The following CACNA1S variants were observed in gnomAD, a reference collection of about 807,000 sequenced individuals.
The protein encoded by CACNA1S is calcium voltage-gated channel subunit alpha1 S.
In CACNA1S, 126 loss-of-function variants were observed where a neutral mutation model predicts 207.4. That is an observed-to-expected ratio of 0.61 (90% confidence interval 0.53 to 0.70). The LOEUF (loss-of-function observed/expected upper bound fraction) is 0.70. CACNA1S is among the 30% of genes least tolerant of loss of function. CACNA1S has a pLI of 0.00. For missense variants in CACNA1S, 2,349 were observed against 2,422.8 expected (o/e 0.97, Z 0.64); for synonymous variants, 960 against 932.7 (o/e 1.03, Z -0.53).
intron 28 of CACNA1S, among the ~76,000 whole-genome samples, chr1:201,056,957 C>T (rs991812963): frequency 1.3e-5 from 2 of 152,190 alleles, no homozygotes; most frequent in African/African-American, 2.4e-5. Context: ...CAGCCAGCCC[C>T]GGCCCCCATC....
Position 201,040,260 on chromosome 1 carries a change from C to G in CACNA1S, c.5341G>C (p.Ala1781Pro). 5 of 1,613,754 alleles carry G rather than the reference C, an allele frequency of 3.1e-6. No individual in the cohort carries two copies. Among genetic ancestry groups the G allele is most frequent in the Non-Finnish European group, 4.2e-6 (5 of 1,179,990 alleles). Reference sequence around the variant, plus strand: ...TGGATCAGCAGGGCTGTAGCTGGTGCTGAGCACCTGGAAGTATTCTCCCTG... The same window carrying G: ...TGGATCAGCAGGGCTGTAGCTGGTGGTGAGCACCTGGAAGTATTCTCCCTG... ...STRENTSRCS[A>P]PATALLIQKA... Residue 1781 changes from alanine (A) to proline (P), a missense_variant, in exon 43 of 44, where the codon GCA (alanine) becomes CCA (proline). Transcript: ENST00000362061.
At chr1:201,089,117 C>T (rs1011824350) in intron 6 of CACNA1S, 141 bp downstream of exon 6, 6 of 773,966 alleles carry the variant, frequency 7.8e-6, no homozygotes, top group African/African-American at 1.7e-5. Context: ...GTATAGATTC[C>T]CCAGGGAGGA....
chr1:201,051,476 G>A (rs1190184097), intron 32 of CACNA1S, among the ~76,000 whole-genome samples: 1 of 152,176 alleles, frequency 6.6e-6, no homozygotes, highest in Non-Finnish European at 1.5e-5. Context: ...GAGATTAACT[G>A]ACTCCACTCT....
At position 201,075,583 on chromosome 1, in the gene CACNA1S, C is replaced by A. The variant is rs2102140249; in HGVS notation, c.1860G>T (p.Met620Ile). The change falls in exon 13 of 44, where the codon ATG becomes ATT. Residue 620 changes from methionine (M) to isoleucine (I), a missense_variant. Physicochemically the swap from Met to Ile is conservative, Grantham distance 10 (BLOSUM62 1). Coordinates refer to ENST00000362061, the MANE Select transcript of CACNA1S (RefSeq NM_000069.3). ...CGCCGTAGGCCATGATCCCATTGTA[C>A]ATCATTGAGGTCCAGTCTTCCCCTG... The part of the protein sequence containing the change: ...VLTGEDWTSM[M>I]YNGIMAYGGP... The A allele has an allele frequency of 6.2e-7, 1 of 1,614,112 alleles. No homozygotes were observed. The highest frequency in any genetic ancestry group is 8.5e-7 in the Non-Finnish European group (1 of 1,179,984).
At chr1:201,043,594 C>T in intron 39 of CACNA1S, 63 bp from the exon 40 acceptor site, 1 of 1,459,668 alleles carries the variant, frequency 6.9e-7, no homozygotes, top group Non-Finnish European at 9.6e-7. Context: ...GGGGCTGTCA[C>T]TCTGGGACAG....
chr1:201,046,617 A>G (rs1660480412), intron 38 of CACNA1S, among the ~76,000 whole-genome samples: 1 of 151,274 alleles, frequency 6.6e-6, no homozygotes, highest in Non-Finnish European at 1.5e-5. Flanking sequence ...ATCTCGGTTC[A>G]CTGCAACCTC....
At position 201,077,972 on chromosome 1, in the gene CACNA1S, A is replaced by G. The variant is rs369852385; in HGVS notation, c.1526T>C (p.Leu509Pro). 7.4e-6 allele frequency: 12 copies of G among 1,614,060 alleles called. No homozygotes were observed. Among genetic ancestry groups the G allele is most frequent in the Non-Finnish European group, 1.0e-5 (12 of 1,179,990 alleles). Residue 509 changes from leucine to proline, a missense_variant, in exon 11 of 44, where the codon CTG (leucine) becomes CCG (proline). Leu to Pro is a moderately conservative substitution (Grantham distance 98). Transcript: ENST00000362061. The part of the protein sequence containing the change: ...FDCFVVCSGI[L>P]EILLVESGAM... ...ACCCGACTCCACCAGCAGGATCTCC[A>G]GGATACCGCTACACACCACGAAGCA...
At chr1:201,076,308 G>A (rs1424311831) in intron 12 of CACNA1S, among the ~76,000 whole-genome samples, 2 of 152,232 alleles carry the variant, frequency 1.3e-5, no homozygotes, top group Non-Finnish European at 2.9e-5. Context: ...AGAGAGGATC[G>A]ACGGACGATC....
rs752178238 is a variant in CACNA1S, at chr1:201,069,184, A to C, written c.2503T>G (p.Phe835Val). 10 of 1,614,020 alleles carry C rather than the reference A, an allele frequency of 6.2e-6. No individual in the cohort carries two copies. Among genetic ancestry groups the C allele is most frequent in the Non-Finnish European group, 7.6e-6 (9 of 1,179,982 alleles). ...AAGACAGAGGTGAACCCGATGTCAA[A>C]GTGTTTAAGGATCTGGGGACAGGGC... ...DSMRNQILKH[F>V]DIGFTSVFTV... The change falls in exon 19 of 44, where the codon TTT becomes GTT. Residue 835 changes from phenylalanine (F) to valine (V), a missense_variant. Coordinates refer to ENST00000362061, the MANE Select transcript of CACNA1S (RefSeq NM_000069.3).
intron 2 of CACNA1S, among the ~76,000 whole-genome samples, chr1:201,094,459 T>C (rs1662347176): frequency 1.3e-5 from 2 of 152,100 alleles, no homozygotes; most frequent in African/African-American, 2.4e-5. Context: ...TTTTCATTAC[T>C]CGACTTCCAG....
intron 2 of CACNA1S, among the ~76,000 whole-genome samples, chr1:201,098,228 C>G (rs1196233498): frequency 6.6e-6 from 1 of 152,216 alleles, no homozygotes; most frequent in African/African-American, 2.4e-5. Context: ...GAACCAGTGT[C>G]CCGGGGCACT....
rs879667613 is a variant in CACNA1S, at chr1:201,063,300, CT to C, written c.2854-787del. Among the ~76,000 whole-genome samples the C allele has an allele frequency of 5.5e-3, 784 of 141,962 alleles. 1 individual carries two copies. The highest frequency in any genetic ancestry group is 0.011 in the African/African-American group (424 of 38,810). The allele number at this position is 141,962 out of a possible 152,430, so 93.1% of individuals were successfully genotyped here. A position where few individuals can be genotyped will look rare whatever the true frequency, so the allele number is the denominator to read the frequency against. On this transcript the variant is annotated intron_variant, in intron 22 of 43. Transcript: ENST00000362061. ...GAAGGAAAGTAGTGGATGGCTAGGT[CT>C]TTTTTTTTTTTGTTTGCTCACTCTG...
intron 7 of CACNA1S, among the ~76,000 whole-genome samples, chr1:201,087,295 G>T (rs1278416201): frequency 1.3e-5 from 2 of 152,226 alleles, no homozygotes; most frequent in Non-Finnish European, 2.9e-5. Context: ...AAGGCACAGA[G>T]AAGTTAGGTA....
At chr1:201,049,774 A>C (rs536466514) in intron 34 of CACNA1S, among the ~76,000 whole-genome samples, 4 of 152,268 alleles carry the variant, frequency 2.6e-5, no homozygotes, top group Non-Finnish European at 4.4e-5. Context: ...TGATGGAGGC[A>C]CTTTAAAGCA....
At chr1:201,101,968 C>T (rs905207070) in intron 2 of CACNA1S, among the ~76,000 whole-genome samples, 2 of 152,190 alleles carry the variant, frequency 1.3e-5, no homozygotes. Context: ...GCCCTCACCT[C>T]TCTGCCCCAA....
chr1:201,112,311 C>T lies in CACNA1S; in HGVS notation c.29G>A (p.Gly10Asp), dbSNP rs1663157502. 1.9e-6 allele frequency: 3 copies of T among 1,613,990 alleles called. No homozygotes were observed. The highest frequency in any genetic ancestry group is 1.7e-6 in the Non-Finnish European group (2 of 1,179,968). The change falls in exon 1 of 44, where the codon GGC (glycine) becomes GAC (aspartate). Residue 10 changes from glycine (G) to aspartate (D), a missense_variant. Gly to Asp is a moderately conservative substitution (Grantham distance 94). Coordinates refer to ENST00000362061, the MANE Select transcript of CACNA1S (RefSeq NM_000069.3). ...CTTCTTGGGCTGTTTCTTCCTCAGGCCTTCATCCTGGGGTGAGGATGGCTC... is the reference window on the plus strand; with the variant it reads ...CTTCTTGGGCTGTTTCTTCCTCAGGTCTTCATCCTGGGGTGAGGATGGCTC... Reference protein sequence around the residue: MEPSSPQDEGLRKKQPKKPV... With the variant: MEPSSPQDEDLRKKQPKKPV...
Position 201,112,266 on chromosome 1 carries a change from G to A in CACNA1S, c.74C>T (p.Pro25Leu). 1 of 1,614,022 alleles carries A rather than the reference G, an allele frequency of 6.2e-7. No individual in the cohort carries two copies. Among genetic ancestry groups the A allele is most frequent in the Non-Finnish European group, 8.5e-7 (1 of 1,180,002 alleles). ...QPKKPVPEILPRPPRALFCLT... is the reference protein window; with the variant it reads ...QPKKPVPEILLRPPRALFCLT... ...GCAGAACAAGGCCCGGGGTGGCCTT[G>A]GCAGAATCTCAGGAACTGGCTTCTT... The change falls in exon 1 of 44, where the codon CCA (proline) becomes CTA (leucine). Residue 25 changes from proline to leucine, a missense_variant. By Grantham distance (98) the Pro-to-Leu change is moderately conservative (BLOSUM62 -3). Transcript: ENST00000362061.
At chr1:201,089,121 G>T in intron 6 of CACNA1S, 137 bp downstream of exon 6, 1 of 789,396 alleles carries the variant, frequency 1.3e-6, no homozygotes, top group Non-Finnish European at 2.2e-6. Context: ...AGATTCCCCA[G>T]GGAGGAGCAA....
chr1:201,112,142 C>G, intron 1 of CACNA1S, 46 bp downstream of exon 1: 1 of 1,579,648 alleles, frequency 6.3e-7, no homozygotes, highest in South Asian at 1.1e-5. Flanking sequence ...CGAATCCCTC[C>G]CTCATGACGC....
Sources: allele counts gnomAD v4.1 joint callset (sites outside exome capture counted in the v4.1 genomes callset), GRCh38; gene constraint gnomAD v4.1.1; transcripts MANE v1.5; gene names NCBI Gene and HGNC (gene_info 2026-07-23, HGNC 2026-07-21).